CTNNA3: variants seen among roughly 807,000 people sequenced by gnomAD.
The protein encoded by CTNNA3 is catenin alpha-3.
CTNNA3 carries 76 observed loss-of-function variants against 95.7 expected under a neutral mutation model. The ratio of observed to expected loss-of-function variants is 0.79; its 90% CI spans 0.66 to 0.96. The LOEUF is 0.96. CTNNA3 is among the 40% of genes least tolerant of loss of function. The probability of loss-of-function intolerance (pLI) is 0.00; values close to 1 mark genes in which losing one functional copy is unlikely to be tolerated. For missense variants in CTNNA3, 1,191 were observed against 1,089.8 expected, an observed-to-expected ratio of 1.09 and a Z score of -1.31; for synonymous variants, 431 against 374.4, an observed-to-expected ratio of 1.15 and a Z score of -1.74.
At chr10:66,593,217 G>T (rs1244473086) in intron 10 of CTNNA3, among the ~76,000 whole-genome samples, 1 of 152,134 alleles carries the variant, frequency 6.6e-6, no homozygotes, top group Non-Finnish European at 1.5e-5. Flanking sequence ...GTGTGTTGGT[G>T]ATGGTGGCAG....
chr10:67,102,163 T>C (rs1309817835), intron 7 of CTNNA3, among the ~76,000 whole-genome samples: 1 of 151,762 alleles, frequency 6.6e-6, no homozygotes, highest in African/African-American at 2.4e-5. Flanking sequence ...ACTCCTCCCA[T>C]GACCTTCCCA....
chr10:67,700,413 C>A (rs1161116648), upstream of CTNNA3, among the ~76,000 whole-genome samples: 1 of 152,202 alleles, frequency 6.6e-6, no homozygotes, highest in East Asian at 1.9e-4. Flanking sequence ...CGGCCAGGTA[C>A]TCCTCTGAGA....
In CTNNA3 at chr10:67,714,009, C is replaced by T. The variant is rs189032710; in HGVS notation, c.-2+49425G>A. ...CTCTGCCTAGATTTCAGAAGATGTA[C>T]GGAAATGCCTAGATGTCCACCAGGC... On this transcript the variant is annotated intron_variant, in intron 1 of 17. Coordinates refer to the CTNNA3 transcript ENST00000684154. 2.2e-4 allele frequency among the ~76,000 whole-genome samples: 33 copies of T among 151,552 alleles called. No homozygotes were observed. The East Asian group carries it at 6.2e-3, about 29-fold the overall frequency.
upstream of CTNNA3, among the ~76,000 whole-genome samples, chr10:67,701,103 CT>C (rs1282698500): frequency 6.6e-6 from 1 of 152,136 alleles, no homozygotes; most frequent in Non-Finnish European, 1.5e-5. Flanking sequence ...ACGAAAAAGC[CT>C]CCAAGAAATA....
At chr10:67,710,006 C>T (rs559606299) in intron 1 of CTNNA3, among the ~76,000 whole-genome samples, 7 of 152,132 alleles carry the variant, frequency 4.6e-5, no homozygotes, top group Non-Finnish European at 7.4e-5. Flanking sequence ...ACCGTGACAA[C>T]CAAAACTGCC....
At chr10:67,638,575 T>C (rs1839408512) in intron 2 of CTNNA3, among the ~76,000 whole-genome samples, 1 of 152,132 alleles carries the variant, frequency 6.6e-6, no homozygotes. Context: ...AGCACCGCAC[T>C]GCACTTATTA....
chr10:66,042,787 T>G (rs1204522406), intron 15 of CTNNA3, among the ~76,000 whole-genome samples: 2 of 148,298 alleles, frequency 1.3e-5, no homozygotes, highest in African/African-American at 2.5e-5. Flanking sequence ...GTAATCACAG[T>G]TACATGGCAG....
At chr10:67,303,049 G>A (rs746627406) in intron 5 of CTNNA3, among the ~76,000 whole-genome samples, 1 of 152,132 alleles carries the variant, frequency 6.6e-6, no homozygotes, top group Non-Finnish European at 1.5e-5. Context: ...CTGGGAGTGA[G>A]GCCTAACCAT....
At chr10:67,187,265 C>G (rs185561384) in intron 6 of CTNNA3, among the ~76,000 whole-genome samples, 69 of 152,218 alleles carry the variant, frequency 4.5e-4, no homozygotes, top group African/African-American at 1.6e-3. Context: ...GGGGTATTAT[C>G]ATCATTAATT....
intron 9 of CTNNA3, among the ~76,000 whole-genome samples, chr10:66,731,326 C>T (rs1353975577): frequency 2.0e-5 from 3 of 152,150 alleles, no homozygotes; most frequent in Admixed American, 1.3e-4. Flanking sequence ...GGAGACAAGA[C>T]ATTTTGGCTT....
At chr10:66,915,963 G>T (rs550803950) in intron 7 of CTNNA3, among the ~76,000 whole-genome samples, 1 of 152,064 alleles carries the variant, frequency 6.6e-6, no homozygotes, top group East Asian at 1.9e-4. Context: ...TGGCCAGGAT[G>T]GTCTCAATCT....
intron 5 of CTNNA3, among the ~76,000 whole-genome samples, chr10:67,445,851 G>A (rs1415092998): frequency 1.3e-5 from 2 of 152,052 alleles, no homozygotes; most frequent in East Asian, 3.9e-4. Flanking sequence ...TTATCATCTT[G>A]CACTGCAATA....
At chr10:66,192,974 G>A (rs1207604336) in intron 13 of CTNNA3, among the ~76,000 whole-genome samples, 1 of 152,082 alleles carries the variant, frequency 6.6e-6, no homozygotes, top group Non-Finnish European at 1.5e-5. Context: ...ATAGGATAAC[G>A]TCTGACATGT....
At chr10:67,419,732 T>C (rs1405020217) in intron 5 of CTNNA3, among the ~76,000 whole-genome samples, 1 of 152,286 alleles carries the variant, frequency 6.6e-6, no homozygotes, top group African/African-American at 2.4e-5. Flanking sequence ...CCAATCTAGA[T>C]ACTCAAGAGC....
At position 67,208,610 on chromosome 10, in the gene CTNNA3, A is replaced by T. The variant is rs892900315; in HGVS notation, c.843+10997T>A. On this transcript the variant is annotated intron_variant, in intron 6 of 17. Transcript: ENST00000433211. The stretch of plus-strand genomic sequence containing the variant: ...ACAAGACTCATCCAGACAGACCAAC[A>T]TTCATCTTAATAAGAGTTTTAGAAG... Among the ~76,000 whole-genome samples the T allele has an allele frequency of 3.9e-5, 6 of 152,136 alleles. No individual in the cohort carries two copies. The East Asian group carries it at 1.2e-3, about 29-fold the overall frequency.
Position 67,265,743 on chromosome 10 carries a change from G to A in CTNNA3, c.580-45873C>T, listed in dbSNP as rs1354236999. Reference sequence around the variant, plus strand: ...ATTAAACATCCATGTGTTGAGTTAAGAGATGCCTCCTCCTCAGCCTCTATC... The same window carrying A: ...ATTAAACATCCATGTGTTGAGTTAAAAGATGCCTCCTCCTCAGCCTCTATC... On this transcript the variant is annotated intron_variant, in intron 5 of 17. Transcript: ENST00000433211. 5.3e-5 allele frequency among the ~76,000 whole-genome samples: 8 copies of A among 152,188 alleles called. No individual in the cohort carries two copies. In the East Asian group the frequency reaches 1.5e-3, roughly 29 times the overall value.
chr10:66,312,702 A>C (rs2092039107), intron 12 of CTNNA3, among the ~76,000 whole-genome samples: 1 of 152,014 alleles, frequency 6.6e-6, no homozygotes, highest in African/African-American at 2.4e-5. Flanking sequence ...ATGCATCATC[A>C]GGCCCGGATA....
chr10:66,695,052 C>T (rs10822887), intron 9 of CTNNA3, among the ~76,000 whole-genome samples: 25,667 of 152,068 alleles, frequency 0.17, 2,684 homozygotes, highest in East Asian at 0.34. Context: ...GCTGAAAGCT[C>T]GATGGCACCT....
At chr10:67,085,972 C>A (rs1196242730) in intron 7 of CTNNA3, among the ~76,000 whole-genome samples, 2 of 151,972 alleles carry the variant, frequency 1.3e-5, no homozygotes, top group Non-Finnish European at 2.9e-5. Context: ...CCACTCTCAT[C>A]ATATCCTACA....
Sources: allele counts gnomAD v4.1 joint callset (sites outside exome capture counted in the v4.1 genomes callset), GRCh38; gene constraint gnomAD v4.1.1; transcripts MANE v1.5; gene names NCBI Gene and HGNC (gene_info 2026-07-23, HGNC 2026-07-21).